Variants in GRM7 observed in about 807,000 individuals in gnomAD.
The protein encoded by GRM7 is glutamate metabotropic receptor 7.
Under a neutral mutation model 84.5 loss-of-function variants are expected in GRM7, and 35 were observed. The ratio of observed to expected loss-of-function variants is 0.41; its 90% CI spans 0.32 to 0.55. The LOEUF (loss-of-function observed/expected upper bound fraction) is 0.55. Among genes scored for constraint, GRM7 ranks in the 20% least tolerant of loss-of-function variants. The pLI is 0.19. For missense variants in GRM7, 1,003 were observed against 1,194.6 expected, an observed-to-expected ratio of 0.84 and a Z score of 2.36; for synonymous variants, 487 against 455.1, an observed-to-expected ratio of 1.07 and a Z score of -0.89.
At chr3:6,893,925 A>G (rs1478819110) in intron 1 of GRM7, 2 of 152,134 alleles carry the variant, frequency 1.3e-5, no homozygotes, top group Non-Finnish European at 2.9e-5. Flanking sequence ...CTCACCTAAT[A>G]TCACTCCTTT....
At chr3:7,670,843 T>C (rs1456954607) in intron 8 of GRM7, among the ~76,000 whole-genome samples, 1 of 152,196 alleles carries the variant, frequency 6.6e-6, no homozygotes, top group Non-Finnish European at 1.5e-5. Flanking sequence ...CTGACATAGC[T>C]TCCTACAAAA....
intron 1 of GRM7, among the ~76,000 whole-genome samples, chr3:7,101,176 A>G (rs1395446194): frequency 6.6e-6 from 1 of 151,816 alleles, no homozygotes; most frequent in Non-Finnish European, 1.5e-5. Flanking sequence ...AAAAACTCCC[A>G]AACTGTTATT....
intron 9 of GRM7, among the ~76,000 whole-genome samples, chr3:7,717,959 G>T (rs115138748): frequency 1.0e-3 from 152 of 152,318 alleles, no homozygotes; most frequent in African/African-American, 3.5e-3. Flanking sequence ...TCACCCTTCT[G>T]CCTTACAATA....
At chr3:7,038,279 G>T (rs1360198783) in intron 1 of GRM7, among the ~76,000 whole-genome samples, 1 of 152,182 alleles carries the variant, frequency 6.6e-6, no homozygotes, top group Non-Finnish European at 1.5e-5. Context: ...CAAGAAGGGA[G>T]GCTCCAAGGT....
intron 9 of GRM7, among the ~76,000 whole-genome samples, chr3:7,734,081 C>A (rs1702417967): frequency 6.6e-6 from 1 of 152,178 alleles, no homozygotes; most frequent in Admixed American, 6.5e-5. Flanking sequence ...ATGGGGCAAA[C>A]ACTTCACACA....
In GRM7 at chr3:7,136,107, T is replaced by C. The variant is rs570242792; in HGVS notation, c.520-10345T>C. Among the ~76,000 whole-genome samples the C allele has an allele frequency of 4.6e-5, 7 of 152,132 alleles. No individual in the cohort carries two copies. The East Asian group carries it at 9.6e-4, about 21-fold the overall frequency. ...ACATTTAGAAAGTGAAAGTGCGTCA[T>C]ACATGCATAATATTTCTTTTTTTAT... On this transcript the variant is annotated intron_variant, in intron 1 of 9. Transcript: ENST00000357716.
At chr3:6,893,428 A>G (rs1009441027) in intron 1 of GRM7, among the ~76,000 whole-genome samples, 4 of 152,198 alleles carry the variant, frequency 2.6e-5, no homozygotes, top group Non-Finnish European at 5.9e-5. Context: ...TGAGAAACTC[A>G]TAACGTGAAT....
At chr3:6,880,022 A>G (rs1043534569) in intron 1 of GRM7, among the ~76,000 whole-genome samples, 8 of 152,200 alleles carry the variant, frequency 5.3e-5, no homozygotes, top group African/African-American at 1.4e-4. Flanking sequence ...TGGAGCAAAG[A>G]AAGTATTTAC....
chr3:7,014,832 G>GT (rs1306099514), intron 1 of GRM7, among the ~76,000 whole-genome samples: 1 of 152,128 alleles, frequency 6.6e-6, no homozygotes, highest in East Asian at 1.9e-4. Context: ...TGGACTTCTG[G>GT]GTCGGGTGGG....
chr3:7,454,090 ACT>A lies in GRM7; in HGVS notation c.1375+1321_1375+1322del, dbSNP rs58338960. ...ACCATACATGAAAAGCTACACACAC[ACT>A]CTCTCTCTCTCTCTCTCTCTCTCTC... On this transcript the variant is annotated intron_variant, in intron 6 of 9. Coordinates refer to ENST00000357716, the MANE Select transcript of GRM7 (RefSeq NM_000844.4). Among the ~76,000 whole-genome samples the A allele has an allele frequency of 2.7e-3, 374 of 140,114 alleles. 2 individuals are homozygous for A. The highest frequency in any genetic ancestry group is 7.5e-3 in the Middle Eastern group (2 of 266). 91.9% of individuals were successfully genotyped at this position (140,114 alleles called of 152,430 possible).
At chr3:7,267,421 T>C (rs941166768) in intron 2 of GRM7, among the ~76,000 whole-genome samples, 1 of 152,260 alleles carries the variant, frequency 6.6e-6, no homozygotes, top group Non-Finnish European at 1.5e-5. Context: ...AATGAGAAAG[T>C]TGTAGCAATT....
At chr3:6,869,492 ATAG>A (rs1383699132) in intron 1 of GRM7, among the ~76,000 whole-genome samples, 1 of 152,112 alleles carries the variant, frequency 6.6e-6, no homozygotes, top group Non-Finnish European at 1.5e-5. Context: ...TTTAATTACC[ATAG>A]TAGTTATGCT....
At chr3:7,139,118 TA>T (rs1186900900) in intron 1 of GRM7, among the ~76,000 whole-genome samples, 1 of 147,874 alleles carries the variant, frequency 6.8e-6, no homozygotes, top group Non-Finnish European at 1.5e-5. Flanking sequence ...ATATACTATA[TA>T]TTATACTATA....
At chr3:7,692,485 A>AT (rs1275191230) in intron 9 of GRM7, among the ~76,000 whole-genome samples, 3 of 152,118 alleles carry the variant, frequency 2.0e-5, no homozygotes, top group African/African-American at 7.2e-5. Context: ...TTTGGCTTTT[A>AT]TTGCACTTAT....
intron 1 of GRM7, among the ~76,000 whole-genome samples, chr3:7,130,481 T>C (rs1017347171): frequency 6.7e-6 from 1 of 149,280 alleles, no homozygotes; most frequent in African/African-American, 2.5e-5. Context: ...AGGTGGAGGT[T>C]GCAGGGAGCC....
At chr3:6,980,321 T>A (rs927871550) in intron 1 of GRM7, among the ~76,000 whole-genome samples, 2 of 152,164 alleles carry the variant, frequency 1.3e-5, no homozygotes, top group African/African-American at 4.8e-5. Flanking sequence ...AAACTGTTGA[T>A]CTTCTCTCCA....
intron 4 of GRM7, among the ~76,000 whole-genome samples, chr3:7,379,699 T>C (rs1008024482): frequency 6.6e-6 from 1 of 152,184 alleles, no homozygotes; most frequent in Non-Finnish European, 1.5e-5. Context: ...AATATACCCT[T>C]AGTGGATATT....
chr3:7,433,444 A>G (rs1186701626), intron 5 of GRM7, among the ~76,000 whole-genome samples: 1 of 152,208 alleles, frequency 6.6e-6, no homozygotes. Context: ...GTTGTCTACT[A>G]GCTGGCACAA....
intron 2 of GRM7, among the ~76,000 whole-genome samples, chr3:7,206,712 G>C (rs916977292): frequency 9.2e-5 from 14 of 152,186 alleles, no homozygotes; most frequent in African/African-American, 2.4e-5. Context: ...AGAAAAGTTA[G>C]AGGTGTTGGT....
Sources: allele counts gnomAD v4.1 joint callset (sites outside exome capture counted in the v4.1 genomes callset), GRCh38; gene constraint gnomAD v4.1.1; transcripts MANE v1.5; gene names NCBI Gene and HGNC (gene_info 2026-07-23, HGNC 2026-07-21).